KIAA1217: variants seen among roughly 807,000 people sequenced by gnomAD.
KIAA1217 encodes KIAA1217.
In KIAA1217, 88 loss-of-function variants were observed where a neutral mutation model predicts 163.9. That is an observed-to-expected ratio of 0.54 (90% CI 0.45 to 0.64). The LOEUF (loss-of-function observed/expected upper bound fraction) is 0.64. Ranked by LOEUF, KIAA1217 falls within the 30% of genes least tolerant of loss-of-function variation. KIAA1217 has a pLI of 0.00. For missense variants in KIAA1217, 2,372 were observed against 2,475.0 expected, an observed-to-expected ratio of 0.96 and a Z score of 0.88; for synonymous variants, 903 against 923.1, an observed-to-expected ratio of 0.98 and a Z score of 0.39.
chr10:24,523,272 G>A (rs2071575293), intron 12 of KIAA1217, among the ~76,000 whole-genome samples: 1 of 147,998 alleles, frequency 6.8e-6, no homozygotes, highest in South Asian at 2.2e-4. Flanking sequence ...CAGTGGGCTA[G>A]GATTGAGCCA....
intron 1 of KIAA1217, among the ~76,000 whole-genome samples, chr10:23,800,293 C>A (rs1224414699): frequency 6.6e-6 from 1 of 152,250 alleles, no homozygotes; most frequent in African/African-American, 2.4e-5. Context: ...ATGTAAATTA[C>A]AATAAGATTA....
chr10:23,931,660 G>T (rs965185896), intron 1 of KIAA1217, among the ~76,000 whole-genome samples: 1 of 152,142 alleles, frequency 6.6e-6, no homozygotes, highest in Non-Finnish European at 1.5e-5. Flanking sequence ...ACCCAAAAGT[G>T]TCTGGTTACC....
At chr10:24,409,783 T>C (rs186907977) in intron 3 of KIAA1217, among the ~76,000 whole-genome samples, 2 of 152,158 alleles carry the variant, frequency 1.3e-5, no homozygotes, top group East Asian at 3.9e-4. Flanking sequence ...GTCCACTCTA[T>C]CATTCTTATG....
At chr10:23,841,778 A>C (rs1348672710) in intron 1 of KIAA1217, among the ~76,000 whole-genome samples, 3 of 152,120 alleles carry the variant, frequency 2.0e-5, no homozygotes, top group Non-Finnish European at 4.4e-5. Flanking sequence ...CAAGGGTAGA[A>C]TACAAAGGGT....
At chr10:23,841,913 G>A (rs1257029369) in intron 1 of KIAA1217, among the ~76,000 whole-genome samples, 1 of 150,410 alleles carries the variant, frequency 6.6e-6, no homozygotes, top group African/African-American at 2.5e-5. Flanking sequence ...TGTCACCTAG[G>A]CTGGAGTTCA....
In KIAA1217 at chr10:24,095,831, C is replaced by A. The variant is rs964792619; in HGVS notation, c.-171+88457C>A. On this transcript the variant is annotated intron_variant, in intron 2 of 18. Transcript: ENST00000376462. ...TGTCCAAAACTAAACTTGCACCTGG[C>A]GTGGTGGTTCAAGCCAATAATCCCG... 2.0e-5 allele frequency among the ~76,000 whole-genome samples: 3 copies of A among 152,116 alleles called. No individual in the cohort carries two copies. The East Asian group carries it at 5.8e-4, about 29-fold the overall frequency.
At chr10:24,447,144 C>T (rs187626766) in intron 5 of KIAA1217, among the ~76,000 whole-genome samples, 4 of 152,246 alleles carry the variant, frequency 2.6e-5, no homozygotes, top group African/African-American at 9.6e-5. Context: ...TGTGCACTCC[C>T]CTTTTCCTGA....
intron 2 of KIAA1217, among the ~76,000 whole-genome samples, chr10:24,321,569 C>A (rs545872353): frequency 1.6e-4 from 25 of 152,130 alleles, no homozygotes; most frequent in African/African-American, 5.8e-4. Flanking sequence ...ATGGACACAA[C>A]CCAGGAAGAA....
rs567725247 is a variant in KIAA1217 at position 24,110,094 on chromosome 10, T to C, written c.-171+102720T>C. Among the ~76,000 whole-genome samples, 4 of 152,334 alleles carry C rather than the reference T, an allele frequency of 2.6e-5. No individual in the cohort carries two copies. The South Asian group carries it at 6.2e-4, about 24-fold the overall frequency. ...GTGCAAAGTGGCTCTGGTATAACTA[T>C]AGATGAGAATGGACTTTGAGACAGT... is the stretch of plus-strand genomic sequence containing the variant. On this transcript the variant is annotated intron_variant, in intron 2 of 18. Transcript: ENST00000376462.
At chr10:23,750,098 A>T (rs1056084660) in intron 1 of KIAA1217, among the ~76,000 whole-genome samples, 2 of 151,652 alleles carry the variant, frequency 1.3e-5, no homozygotes, top group African/African-American at 4.9e-5. Flanking sequence ...GGCCATCATC[A>T]TCTACTACCT....
chr10:24,124,097 T>G (rs1004725005), intron 2 of KIAA1217, among the ~76,000 whole-genome samples: 7 of 152,206 alleles, frequency 4.6e-5, no homozygotes, highest in Non-Finnish European at 7.3e-5. Context: ...AAAAATACTT[T>G]GTACTTTGGA....
chr10:24,545,274 C>G, intron 20 of KIAA1217, 171 bp downstream of exon 20: 2 of 1,416,910 alleles, frequency 1.4e-6, no homozygotes, highest in Non-Finnish European at 1.8e-6. Flanking sequence ...ACTTTTTTAC[C>G]ACGCTTTTGC....
At chr10:24,289,053 C>CT (rs903115322) in intron 2 of KIAA1217, among the ~76,000 whole-genome samples, 1 of 151,990 alleles carries the variant, frequency 6.6e-6, no homozygotes, top group Non-Finnish European at 1.5e-5. Context: ...ACTTTTTACG[C>CT]TTTTTTCTCT....
At position 23,757,650 on chromosome 10, in the gene KIAA1217, A is replaced by G. The variant is rs377422444; in HGVS notation, c.-321+62416A>G. The stretch of plus-strand genomic sequence containing the variant: ...CTCTTGCCTCAGCCTCCTGAGTAGC[A>G]GGGATTACAGGTGCATGCCACCACA... On this transcript the variant is annotated intron_variant, in intron 1 of 18. Transcript: ENST00000376462. Among the ~76,000 whole-genome samples, 694 of 151,994 alleles carry G rather than the reference A, an allele frequency of 4.6e-3. 1 individual carries two copies. The highest frequency in any genetic ancestry group is 0.015 in the African/African-American group (619 of 41,442).
chr10:24,389,200 A>T (rs1591530144), intron 3 of KIAA1217, among the ~76,000 whole-genome samples: 1 of 152,186 alleles, frequency 6.6e-6, no homozygotes, highest in African/African-American at 2.4e-5. Context: ...GCACATATAC[A>T]CCATGTAATA....
At chr10:24,424,270 G>A (rs2059003081) in intron 3 of KIAA1217, among the ~76,000 whole-genome samples, 1 of 152,182 alleles carries the variant, frequency 6.6e-6, no homozygotes, top group Admixed American at 6.5e-5. Flanking sequence ...AGCCATTTGA[G>A]GAACACACAC....
Position 23,695,344 on chromosome 10 carries a change from C to G in KIAA1217, c.-321+110C>G, listed in dbSNP as rs1835955991. ...AACCGAGGGGAGACTTACAAGGGAG[C>G]CTTGCGCGGGAGAGCAAGTGAGCGT... On this transcript the variant is annotated intron_variant, in intron 1 of 18. Transcript: ENST00000376462. This position sits in a 1 kb window ranked among gnomAD's most constrained non-coding sequence, Gnocchi z 4.9. The G allele has an allele frequency of 2.0e-5, 3 of 152,242 alleles. No individual in the cohort carries two copies. Among genetic ancestry groups the G allele is most frequent in the Admixed American group, 2.0e-4 (3 of 15,286 alleles). The allele number at this position is 152,242 out of a possible 1,614,324, so 9.4% of individuals were successfully genotyped here.
intron 2 of KIAA1217, among the ~76,000 whole-genome samples, chr10:24,021,662 C>G (rs1847738735): frequency 6.6e-6 from 1 of 151,758 alleles, no homozygotes. Flanking sequence ...AAGAATAAAG[C>G]TGGAGGAGTG....
At chr10:23,878,211 C>T (rs1178946330) in intron 1 of KIAA1217, among the ~76,000 whole-genome samples, 1 of 151,860 alleles carries the variant, frequency 6.6e-6, no homozygotes, top group African/African-American at 2.4e-5. Context: ...ATGCTTCTCA[C>T]GTAGAGCACA....
Sources: allele counts gnomAD v4.1 joint callset (sites outside exome capture counted in the v4.1 genomes callset), GRCh38; gene constraint gnomAD v4.1.1; non-coding constraint Gnocchi (gnomAD v3.1); transcripts MANE v1.5; gene names NCBI Gene and HGNC (gene_info 2026-07-23, HGNC 2026-07-21).